Variants in PAQR5 observed in about 807,000 individuals in gnomAD.
PAQR5 encodes the protein membrane progestin receptor gamma.
In PAQR5, 20 loss-of-function variants were observed where a neutral mutation model predicts 34.5. That is an observed-to-expected ratio of 0.58 (90% CI 0.41 to 0.84). The LOEUF is 0.84. Ranked by LOEUF, PAQR5 falls within the 40% of genes least tolerant of loss-of-function variation. PAQR5 has a pLI of 0.00. For synonymous variants in PAQR5, 131 were observed against 155.6 expected (o/e 0.84, Z 1.18); for missense variants, 378 against 412.7 (o/e 0.92, Z 0.73).
At chr15:69,399,890 G>T in intron 7 of PAQR5, 84 bp from the exon 8 acceptor site, 1 of 1,422,996 alleles carries the variant, frequency 7.0e-7, no homozygotes, top group Non-Finnish European at 9.6e-7. Flanking sequence ...AGCCCCCAAA[G>T]TCCCAGATGC....
chr15:69,353,708 A>G (rs1332266058), intron 2 of PAQR5, among the ~76,000 whole-genome samples: 2 of 152,176 alleles, frequency 1.3e-5, no homozygotes, highest in African/African-American at 4.8e-5. Flanking sequence ...AAATGGAGGG[A>G]GGTGGGGGGC....
chr15:69,308,510 A>T (rs2053764947), intron 1 of PAQR5, among the ~76,000 whole-genome samples: 1 of 152,088 alleles, frequency 6.6e-6, no homozygotes, highest in African/African-American at 2.4e-5. Flanking sequence ...GTATAGCAGC[A>T]TCCCTGGCTT....
intron 1 of PAQR5, among the ~76,000 whole-genome samples, chr15:69,307,921 G>A (rs75984575): frequency 5.8e-4 from 89 of 152,320 alleles, no homozygotes; most frequent in Admixed American, 2.4e-3. Flanking sequence ...TGGAGGAGCA[G>A]CTGACTTGAC....
chr15:69,375,343 A>G (rs2055677916), intron 3 of PAQR5, among the ~76,000 whole-genome samples: 1 of 152,068 alleles, frequency 6.6e-6, no homozygotes, highest in Non-Finnish European at 1.5e-5. Flanking sequence ...GGCAGATTGG[A>G]TTAGGACCCA....
chr15:69,317,623 A>C (rs1002544093), intron 1 of PAQR5, among the ~76,000 whole-genome samples: 2 of 152,162 alleles, frequency 1.3e-5, no homozygotes, highest in Non-Finnish European at 2.9e-5. Context: ...CCCCAGTCCC[A>C]GTGGGTGAAG....
At chr15:69,397,208 C>T (rs1298349020) in intron 6 of PAQR5, 1 of 605,994 alleles carries the variant, frequency 1.7e-6, no homozygotes, top group Non-Finnish European at 3.1e-6. Flanking sequence ...CGCCTCCTTT[C>T]TGGCTTAGTC....
At chr15:69,314,000 A>T (rs1255482654) in intron 1 of PAQR5, among the ~76,000 whole-genome samples, 1 of 152,094 alleles carries the variant, frequency 6.6e-6, no homozygotes, top group Non-Finnish European at 1.5e-5. Context: ...CCAAGCGCCC[A>T]GGGAACAACT....
At chr15:69,322,952 A>G (rs577820821) in intron 1 of PAQR5, among the ~76,000 whole-genome samples, 1 of 149,910 alleles carries the variant, frequency 6.7e-6, no homozygotes, top group East Asian at 2.0e-4. Flanking sequence ...CTGGTGCACT[A>G]AGGACCGAGA....
intron 4 of PAQR5, among the ~76,000 whole-genome samples, chr15:69,382,638 T>A: frequency 4.1e-5 from 1 of 24,308 alleles, no homozygotes; most frequent in East Asian, 1.3e-3. Flanking sequence ...AGCAAGACTC[T>A]GTCTCAAAAA....
intron 2 of PAQR5, among the ~76,000 whole-genome samples, chr15:69,339,173 CCCCA>C (rs2054581016): frequency 1.4e-5 from 2 of 145,660 alleles, no homozygotes; most frequent in Non-Finnish European, 3.1e-5. Flanking sequence ...TGGCTACACC[CCCCA>C]CCCCGCCACC....
At chr15:69,362,305 T>C (rs1163417522) in intron 3 of PAQR5, among the ~76,000 whole-genome samples, 2 of 152,178 alleles carry the variant, frequency 1.3e-5, no homozygotes, top group African/African-American at 4.8e-5. Context: ...TGCTTCAAAA[T>C]CTGCCTTGGG....
chr15:69,397,040 G>A (rs962662666), intron 6 of PAQR5: 1 of 378,446 alleles, frequency 2.6e-6, no homozygotes, highest in African/African-American at 2.1e-5. Flanking sequence ...GCTCCAACTA[G>A]ATGGGTGCAT....
At chr15:69,395,597 GCA>G (rs2056401165) in intron 6 of PAQR5, among the ~76,000 whole-genome samples, 1 of 152,198 alleles carries the variant, frequency 6.6e-6, no homozygotes, top group African/African-American at 2.4e-5. Flanking sequence ...CTGTGACAAG[GCA>G]CAGTCATTGT....
chr15:69,326,261 C>G (rs1458035678), intron 1 of PAQR5, among the ~76,000 whole-genome samples: 1 of 152,130 alleles, frequency 6.6e-6, no homozygotes, highest in African/African-American at 2.4e-5. Flanking sequence ...CCCAGCCAAG[C>G]CTGGCAGGAG....
chr15:69,342,091 A>G (rs2054658270), intron 2 of PAQR5, among the ~76,000 whole-genome samples: 1 of 152,078 alleles, frequency 6.6e-6, no homozygotes, highest in Admixed American at 6.6e-5. Flanking sequence ...GAAATGCATT[A>G]GTTTCTATTT....
intron 1 of PAQR5, among the ~76,000 whole-genome samples, chr15:69,329,094 C>G (rs1261900667): frequency 6.6e-6 from 1 of 152,246 alleles, no homozygotes; most frequent in Non-Finnish European, 1.5e-5. Context: ...GCGGCTTCGC[C>G]CTTGTTCACC....
chr15:69,391,487 G>T (rs565935223), intron 6 of PAQR5: 21 of 283,566 alleles, frequency 7.4e-5, no homozygotes, highest in South Asian at 6.0e-4. Context: ...GATGAAGGGA[G>T]GTATAACAGA....
chr15:69,325,356 T>G (rs993143951), intron 1 of PAQR5, among the ~76,000 whole-genome samples: 4 of 152,146 alleles, frequency 2.6e-5, no homozygotes, highest in African/African-American at 4.8e-5. Flanking sequence ...CCTGGAATGT[T>G]TGTTTCTCTT....
intron 8 of PAQR5, chr15:69,401,016 G>A (rs977328569): frequency 1.3e-5 from 2 of 152,268 alleles, no homozygotes; most frequent in African/African-American, 4.8e-5. Context: ...GCTCACTTAA[G>A]TTTGAAGTGA....
Sources: gnomAD v4.1 joint callset for allele counts (sites outside exome capture counted in the v4.1 genomes callset) on GRCh38, gnomAD v4.1.1 for gene constraint, MANE v1.5 for transcripts, NCBI Gene and HGNC (gene_info 2026-07-23, HGNC 2026-07-21) for gene names.